The following RSPH14 variants were observed in gnomAD, a reference collection of about 807,000 sequenced individuals.
RSPH14 encodes radial spoke head 14 homolog, also known as rhabdoid tumor deletion region gene 1.
Under a neutral mutation model 26.7 loss-of-function variants are expected in RSPH14, and 20 were observed. The observed-to-expected ratio is 0.75, with a 90% CI of 0.53 to 1.09. The LOEUF (loss-of-function observed/expected upper bound fraction) is 1.09. RSPH14 is among the 50% of genes least tolerant of loss of function. The pLI is 0.00. For missense variants in RSPH14, 449 were observed against 457.2 expected (o/e 0.98, Z 0.16); for synonymous variants, 177 against 189.3 (o/e 0.93, Z 0.53).
intron 4 of RSPH14, among the ~76,000 whole-genome samples, chr22:23,068,184 C>T (rs2068253692): frequency 6.6e-6 from 1 of 152,236 alleles, no homozygotes; most frequent in Admixed American, 6.5e-5. Context: ...CCTGCACCGT[C>T]CCCGCCTTGG....
At chr22:23,156,365 G>A in the RSPH14 span, 3 of 252,044 alleles carry the variant, frequency 1.2e-5, no homozygotes, top group Non-Finnish European at 2.4e-5. Context: ...GGGGAGGTCG[G>A]AGGAGGCTTG....
At chr22:23,117,967 G>A (rs770088676) in intron 4 of RSPH14, among the ~76,000 whole-genome samples, 10 of 152,194 alleles carry the variant, frequency 6.6e-5, no homozygotes, top group African/African-American at 9.7e-5. Context: ...TCCAGGTGCC[G>A]GACCTGGTCT....
At chr22:23,143,696 T>A (rs148318955), upstream of RSPH14, among the ~76,000 whole-genome samples, 1 of 152,312 alleles carries the variant, frequency 6.6e-6, no homozygotes, top group African/African-American at 2.4e-5. Flanking sequence ...AAGATCCCCA[T>A]GCGCATGTAA....
intron 6 of RSPH14, among the ~76,000 whole-genome samples, 182 bp downstream of exon 6, chr22:23,061,627 G>C (rs1049443832): frequency 6.6e-6 from 1 of 152,128 alleles, no homozygotes; most frequent in African/African-American, 2.4e-5. Flanking sequence ...GGGGAGAAGA[G>C]GGAGGGCTGG....
At chr22:23,169,631 G>A in the RSPH14 span, among the ~76,000 whole-genome samples, 8 of 152,094 alleles carry the variant, frequency 5.3e-5, no homozygotes, top group Non-Finnish European at 7.4e-5. Context: ...CTCTGAGCCC[G>A]TTTCCCTGCC....
upstream of RSPH14, among the ~76,000 whole-genome samples, chr22:23,143,568 A>AT (rs2070640058): frequency 6.6e-6 from 1 of 152,080 alleles, no homozygotes; most frequent in Admixed American, 6.5e-5. Context: ...ATCCCCTAGA[A>AT]TTTACTGCCC....
upstream of RSPH14, chr22:23,145,867 G>C (rs904800122): frequency 1.7e-6 from 1 of 587,652 alleles, no homozygotes; most frequent in African/African-American, 2.0e-5. Flanking sequence ...CGAGGAGTCA[G>C]AGGCCTGGTG....
intron 4 of RSPH14, among the ~76,000 whole-genome samples, chr22:23,104,824 C>T (rs995693389): frequency 1.3e-5 from 2 of 152,228 alleles, no homozygotes; most frequent in Admixed American, 1.3e-4. Context: ...GCCCTCTTCA[C>T]CTGAGGCCCC....
chr22:23,070,445 G>A (rs2068326213), intron 4 of RSPH14: 1 of 148,510 alleles, frequency 6.7e-6, no homozygotes, highest in South Asian at 2.1e-4. Flanking sequence ...GTCCGGTCAC[G>A]TCCCCGCGTG....
intron 4 of RSPH14, among the ~76,000 whole-genome samples, chr22:23,100,194 G>A (rs2069255695): frequency 6.6e-6 from 1 of 152,238 alleles, no homozygotes; most frequent in Admixed American, 6.5e-5. Context: ...TGGGGGACAA[G>A]GAGGAGGCAG....
chr22:23,071,367 G>C lies in RSPH14; in HGVS notation c.422-7234C>G, dbSNP rs2068368908. Among the ~76,000 whole-genome samples, 1 of 152,206 alleles carries C rather than the reference G, an allele frequency of 6.6e-6. No individual in the cohort carries two copies. The highest frequency in any genetic ancestry group is 1.5e-5 in the Non-Finnish European group (1 of 68,036). The stretch of plus-strand genomic sequence containing the variant: ...GAGAATGGGGGCTCCTGTTAACTGA[G>C]ACAAGAGGATGATGCCAAGCGAGAC... On this transcript the variant is annotated intron_variant, in intron 4 of 6. Coordinates refer to ENST00000216036, the MANE Select transcript of RSPH14 (RefSeq NM_014433.3). The surrounding 1 kb of genome is among the most constrained non-coding windows in gnomAD (Gnocchi z 4.1).
chr22:23,102,382 G>C (rs969707169), intron 4 of RSPH14, among the ~76,000 whole-genome samples: 8 of 152,222 alleles, frequency 5.3e-5, no homozygotes, highest in Admixed American at 1.3e-4. Flanking sequence ...TCAGTCCTTG[G>C]GTTAGCTCCT....
the RSPH14 span, chr22:23,156,178 G>A: frequency 5.5e-6 from 3 of 541,612 alleles, no homozygotes; most frequent in Non-Finnish European, 9.4e-6. Flanking sequence ...CACTGCTTGG[G>A]AACAGGGAAG....
chr22:23,166,656 A>T, the RSPH14 span, among the ~76,000 whole-genome samples: 1 of 152,174 alleles, frequency 6.6e-6, no homozygotes, highest in South Asian at 2.1e-4. Context: ...CCCCAGCACC[A>T]GCCTACTAAG....
the RSPH14 span, among the ~76,000 whole-genome samples, chr22:23,177,869 G>C: frequency 6.6e-6 from 1 of 152,092 alleles, no homozygotes; most frequent in Non-Finnish European, 1.5e-5. Flanking sequence ...CGTGATCCTA[G>C]CTCACTGAAG....
chr22:23,152,555 A>G, the RSPH14 span: 1 of 1,606,760 alleles, frequency 6.2e-7, no homozygotes. Context: ...CCCTTTGGCC[A>G]CCTCCCCCAG....
intron 4 of RSPH14, among the ~76,000 whole-genome samples, chr22:23,104,294 G>A (rs990269230): frequency 3.3e-5 from 5 of 152,152 alleles, no homozygotes; most frequent in East Asian, 1.9e-4. Context: ...GGTGGGTGTC[G>A]CTGCCTGAGC....
At chr22:23,079,549 A>G (rs920471056) in intron 4 of RSPH14, among the ~76,000 whole-genome samples, 35 of 152,296 alleles carry the variant, frequency 2.3e-4, no homozygotes, top group African/African-American at 7.2e-4. Context: ...GGGTCTGCCC[A>G]TGTCAAGCAA....
chr22:23,122,183 A>T (rs191092984), intron 4 of RSPH14, among the ~76,000 whole-genome samples: 1 of 152,326 alleles, frequency 6.6e-6, no homozygotes, highest in Admixed American at 6.5e-5. Context: ...GAATTTATTC[A>T]TTTTGCAGGG....
Sources: allele counts gnomAD v4.1 joint callset (sites outside exome capture counted in the v4.1 genomes callset), GRCh38; gene constraint gnomAD v4.1.1; non-coding constraint Gnocchi (gnomAD v3.1); transcripts MANE v1.5; gene names NCBI Gene and HGNC (gene_info 2026-07-23, HGNC 2026-07-21).